SLF1: variants seen among roughly 807,000 people sequenced by gnomAD.
The protein encoded by SLF1 is SMC5/6 complex localization factor 1.
A neutral mutation model predicts 123.0 loss-of-function variants in SLF1; 105 were observed. The observed-to-expected ratio is 0.85, with a 90% CI of 0.73 to 1.00. SLF1 has a LOEUF of 1.00. SLF1 is among the 50% of genes least tolerant of loss of function. The pLI, the probability that SLF1 is intolerant of heterozygous loss-of-function variation, is 0.00. For missense variants in SLF1, 1,239 were observed against 1,223.0 expected, an observed-to-expected ratio of 1.01 and a Z score of -0.20; for synonymous variants, 434 against 406.6, an observed-to-expected ratio of 1.07 and a Z score of -0.81.
rs184177626 is a variant in SLF1, at chr5:94,655,257, A to G, written c.1155+505A>G. Among the ~76,000 whole-genome samples the G allele has an allele frequency of 3.3e-5, 5 of 152,122 alleles. No individual in the cohort carries two copies. The East Asian group carries it at 9.7e-4, about 29-fold the overall frequency. On this transcript the variant is annotated intron_variant, in intron 9 of 20. Transcript: ENST00000265140. The stretch of plus-strand genomic sequence containing the variant: ...CAGTTTGCTTTAAATATGTGGATTT[A>G]TTTTTGGATTCTCTGTTCTTCACTG...
chr5:94,681,831 G>A (rs1751816873), intron 15 of SLF1, among the ~76,000 whole-genome samples: 3 of 152,118 alleles, frequency 2.0e-5, no homozygotes, highest in Admixed American at 2.0e-4. Flanking sequence ...TTCTGTTAGT[G>A]CAGGTTGATG....
At chr5:94,663,287 C>CA in intron 10 of SLF1, among the ~76,000 whole-genome samples, 1 of 152,312 alleles carries the variant, frequency 6.6e-6, no homozygotes, top group Non-Finnish European at 1.5e-5. Context: ...CCTCTTTGAA[C>CA]TACATAGTCT....
At chr5:94,637,351 G>A (rs1417067403) in intron 4 of SLF1, among the ~76,000 whole-genome samples, 1 of 152,110 alleles carries the variant, frequency 6.6e-6, no homozygotes, top group African/African-American at 2.4e-5. Flanking sequence ...TTTTGGAGAG[G>A]GGATTGTGCT....
chr5:94,649,044 A>G (rs915033990), intron 5 of SLF1, among the ~76,000 whole-genome samples: 11 of 152,162 alleles, frequency 7.2e-5, no homozygotes, highest in Non-Finnish European at 1.2e-4. Context: ...TATGTGGGGT[A>G]TACTTGCAAG....
At position 94,643,309 on chromosome 5, in the gene SLF1, A is replaced by G; in HGVS notation, c.468A>G (p.Pro156=). ...CTGGAAAGGCAAATGTTATTTTACCAAAAAGTTCACCAAGTGGAATAACTC... is the reference window on the plus strand; with the variant it reads ...CTGGAAAGGCAAATGTTATTTTACCGAAAAGTTCACCAAGTGGAATAACTC... The part of the protein sequence containing the change: ...LEAGKANVIL[P]KSSPSGITHV... The change falls in exon 5 of 21, where the codon CCA becomes CCG. Residue 156 remains proline (P), a synonymous_variant. Coordinates refer to ENST00000265140, the MANE Select transcript of SLF1 (RefSeq NM_032290.4). The G allele has an allele frequency of 1.9e-6, 3 of 1,542,252 alleles. No individual in the cohort carries two copies. Among genetic ancestry groups the G allele is most frequent in the South Asian group, 2.4e-5 (2 of 82,048 alleles).
chr5:94,644,504 C>G (rs1276693208), intron 5 of SLF1, among the ~76,000 whole-genome samples: 1 of 152,156 alleles, frequency 6.6e-6, no homozygotes, highest in Non-Finnish European at 1.5e-5. Context: ...TCACTCTTAT[C>G]TATGCTCACT....
intron 13 of SLF1, among the ~76,000 whole-genome samples, chr5:94,670,603 G>C (rs1057126550): frequency 6.6e-6 from 1 of 151,720 alleles, no homozygotes; most frequent in Non-Finnish European, 1.5e-5. Flanking sequence ...GCCTACAATG[G>C]TAAGTTTTGC....
At chr5:94,636,503 T>C (rs1585119020) in intron 4 of SLF1, among the ~76,000 whole-genome samples, 3 of 152,272 alleles carry the variant, frequency 2.0e-5, no homozygotes, top group Middle Eastern at 6.8e-3. Flanking sequence ...GTCTTTGAAC[T>C]CACTGATTCT....
chr5:94,659,382 T>G (rs1424957299), intron 9 of SLF1, among the ~76,000 whole-genome samples: 2 of 152,254 alleles, frequency 1.3e-5, no homozygotes, highest in African/African-American at 4.8e-5. Flanking sequence ...TGTGTTCCTT[T>G]ACAGGTGCCA....
In SLF1 at chr5:94,689,738, T is replaced by C. The variant is rs1005893874; in HGVS notation, c.2419+132T>C. 4.1e-6 allele frequency: 3 copies of C among 725,838 alleles called. No individual in the cohort carries two copies. The African/African-American group carries it at 5.4e-5, about 13-fold the overall frequency. 45.0% of individuals were successfully genotyped at this position (725,838 alleles called of 1,614,324 possible). On this transcript the variant is annotated intron_variant, in intron 18 of 20. Transcript: ENST00000265140. ...GGACTAGGTCCAGGAAGTACCTTCT[T>C]GGATAACGTATTATTTTCTTGAACT...
At chr5:94,664,058 T>C (rs920100166) in intron 11 of SLF1, 150 bp downstream of exon 11, 66 of 668,938 alleles carry the variant, frequency 9.9e-5, no homozygotes, top group Non-Finnish European at 1.4e-4. Context: ...TTATTACTAC[T>C]GTTCTGTTTT....
At chr5:94,634,227 A>G (rs932788490) in intron 4 of SLF1, among the ~76,000 whole-genome samples, 3 of 152,054 alleles carry the variant, frequency 2.0e-5, no homozygotes, top group Non-Finnish European at 2.9e-5. Context: ...TATTTTCTCA[A>G]TGGCCCTGAT....
At chr5:94,672,196 T>G (rs893869702) in intron 14 of SLF1, among the ~76,000 whole-genome samples, 1 of 152,152 alleles carries the variant, frequency 6.6e-6, no homozygotes, top group Non-Finnish European at 1.5e-5. Context: ...CTACTAGTTA[T>G]GATCCTATAA....
intron 4 of SLF1, among the ~76,000 whole-genome samples, chr5:94,642,525 C>T (rs1440785592): frequency 6.6e-6 from 1 of 152,148 alleles, no homozygotes; most frequent in Non-Finnish European, 1.5e-5. Context: ...AAGAGCTTAT[C>T]CCTCTTCAGA....
chr5:94,656,764 G>GTATA, intron 9 of SLF1, among the ~76,000 whole-genome samples: 1 of 151,800 alleles, frequency 6.6e-6, no homozygotes, highest in East Asian at 1.9e-4. Context: ...ATTCGTTGGT[G>GTATA]TATAGTTCAT....
At chr5:94,635,784 T>C (rs1430911182) in intron 4 of SLF1, among the ~76,000 whole-genome samples, 2 of 152,220 alleles carry the variant, frequency 1.3e-5, no homozygotes, top group Non-Finnish European at 2.9e-5. Flanking sequence ...TATGGTTCTT[T>C]TGATAGATTT....
chr5:94,619,225 A>T (rs1791378766), intron 1 of SLF1, among the ~76,000 whole-genome samples: 1 of 152,060 alleles, frequency 6.6e-6, no homozygotes, highest in Non-Finnish European at 1.5e-5. Flanking sequence ...GGTGGCTGGG[A>T]TACCCCAGGC....
chr5:94,645,735 T>C (rs1400752870), intron 5 of SLF1, among the ~76,000 whole-genome samples: 1 of 152,140 alleles, frequency 6.6e-6, no homozygotes, highest in Admixed American at 6.5e-5. Flanking sequence ...TTATATTTGG[T>C]TTTAGAATAC....
intron 7 of SLF1, among the ~76,000 whole-genome samples, chr5:94,652,578 G>A (rs1043467647): frequency 6.6e-6 from 1 of 151,974 alleles, no homozygotes; most frequent in African/African-American, 2.4e-5. Flanking sequence ...ATAAGCCTTT[G>A]GGCTTCTTTT....
Sources: gnomAD v4.1 joint callset for allele counts (sites outside exome capture counted in the v4.1 genomes callset) on GRCh38, gnomAD v4.1.1 for gene constraint, MANE v1.5 for transcripts, NCBI Gene and HGNC (gene_info 2026-07-23, HGNC 2026-07-21) for gene names.